Variants in PPP2R2D observed in about 807,000 individuals in gnomAD.
PPP2R2D encodes the protein serine/threonine-protein phosphatase 2A 55 kDa regulatory subunit B delta isoform.
Under a neutral mutation model 31.1 loss-of-function variants are expected in PPP2R2D, and 9 were observed. The observed-to-expected ratio is 0.29, with a 90% CI of 0.17 to 0.51. The LOEUF is 0.51. PPP2R2D is among the 20% of genes least tolerant of loss of function. The pLI is 0.98. For synonymous variants in PPP2R2D, 179 were observed against 172.6 expected, an observed-to-expected ratio of 1.04 and a Z score of -0.29; for missense variants, 391 against 465.6, an observed-to-expected ratio of 0.84 and a Z score of 1.48.
intron 2 of PPP2R2D, among the ~76,000 whole-genome samples, chr10:131,928,443 A>G (rs868931585): frequency 6.6e-6 from 1 of 152,226 alleles, no homozygotes; most frequent in African/African-American, 2.4e-5. Context: ...TGTTTTGACA[A>G]TGACTCAGTA....
At chr10:131,935,487 G>A (rs782352797) in intron 3 of PPP2R2D, among the ~76,000 whole-genome samples, 1 of 151,154 alleles carries the variant, frequency 6.6e-6, no homozygotes, top group Non-Finnish European at 1.5e-5. Context: ...TGCTGGCCCT[G>A]CCCCCCAGGA....
chr10:131,907,197 TA>T (rs1174221186), intron 2 of PPP2R2D, among the ~76,000 whole-genome samples: 2 of 150,668 alleles, frequency 1.3e-5, no homozygotes, highest in African/African-American at 2.5e-5. Context: ...TATTCATTTA[TA>T]TTTTTTTTTT....
chr10:131,923,191 C>G (rs2036027469), intron 2 of PPP2R2D, among the ~76,000 whole-genome samples: 1 of 152,208 alleles, frequency 6.6e-6, no homozygotes, highest in African/African-American at 2.4e-5. Flanking sequence ...TACTTTGTTT[C>G]TGTGGATTTG....
rs1006201922 is a variant in PPP2R2D at position 131,906,256 on chromosome 10, C to T, written c.100+4926C>T. On this transcript the variant is annotated intron_variant, in intron 2 of 8. Coordinates refer to ENST00000455566, the MANE Select transcript of PPP2R2D (RefSeq NM_018461.5). ...GGGGGAGGAGGGTCTTATATTGAAC[C>T]TGGTTTTATATAGCTTTATAGCTTG... 3.0e-3 allele frequency among the ~76,000 whole-genome samples: 452 copies of T among 152,266 alleles called. 2 individuals carry two copies. Among genetic ancestry groups the T allele is most frequent in the African/African-American group, 0.01 (426 of 41,544 alleles).
intron 8 of PPP2R2D, among the ~76,000 whole-genome samples, chr10:131,949,110 A>C (rs2036595890): frequency 1.3e-5 from 2 of 152,128 alleles, no homozygotes; most frequent in Admixed American, 1.3e-4. Flanking sequence ...CTGTTTGCAG[A>C]CTGACCTGCC....
intron 3 of PPP2R2D, among the ~76,000 whole-genome samples, chr10:131,937,841 C>T (rs2036370575): frequency 6.6e-6 from 1 of 152,176 alleles, no homozygotes; most frequent in South Asian, 2.1e-4. Context: ...AGGGGCTGTG[C>T]TTTTTTGTAG....
At chr10:131,936,334 G>A (rs535119456) in intron 3 of PPP2R2D, among the ~76,000 whole-genome samples, 3 of 151,852 alleles carry the variant, frequency 2.0e-5, no homozygotes, top group Admixed American at 6.6e-5. Flanking sequence ...TTTTAGTAGC[G>A]ATGGGGTTTC....
At chr10:131,970,767 G>A in the PPP2R2D span, 7 of 1,614,068 alleles carry the variant, frequency 4.3e-6, no homozygotes, top group East Asian at 6.7e-5. This position sits in a 1 kb window ranked among gnomAD's most constrained non-coding sequence, Gnocchi z 4.1. Flanking sequence ...CGTGCGCTTC[G>A]GGTGTTTAAA....
At chr10:131,966,526 T>G in the PPP2R2D span, 3 of 152,232 alleles carry the variant, frequency 2.0e-5, no homozygotes, top group Admixed American at 2.0e-4. Context: ...GAAAACTTGA[T>G]TCTTGGTCTC....
intron 2 of PPP2R2D, among the ~76,000 whole-genome samples, chr10:131,911,005 G>T (rs1218943963): frequency 2.0e-5 from 3 of 152,188 alleles, no homozygotes; most frequent in Non-Finnish European, 2.9e-5. Flanking sequence ...TCACCTCAGT[G>T]TCCTCTGTAG....
chr10:131,953,140 TTTGCGGGGGTTC>T (rs2036713504), intron 8 of PPP2R2D, among the ~76,000 whole-genome samples: 2 of 96,828 alleles, frequency 2.1e-5, no homozygotes, highest in African/African-American at 8.4e-5. Context: ...GACTTGCAGG[TTTGCGGGGGTTC>T]ACTGTCTTAG....
At chr10:131,903,608 G>A (rs1407211883) in intron 2 of PPP2R2D, among the ~76,000 whole-genome samples, 1 of 151,982 alleles carries the variant, frequency 6.6e-6, no homozygotes, top group Non-Finnish European at 1.5e-5. Context: ...AGTTGTCGTG[G>A]TTTCTTTTGT....
Position 131,945,257 on chromosome 10 carries a change from G to GC in PPP2R2D, c.656-37dup. ...CTGAATGTAGACTAATTAACAACCA[G>GC]CTGAGCTGAGCACTGTGCCTTAACC... On this transcript the variant is annotated intron_variant, in intron 6 of 8. Coordinates refer to ENST00000455566, the MANE Select transcript of PPP2R2D (RefSeq NM_018461.5). This position sits in a 1 kb window ranked among gnomAD's most constrained non-coding sequence, Gnocchi z 4.8. The GC allele has an allele frequency of 6.3e-7, 1 of 1,587,412 alleles. No individual in the cohort carries two copies. Among genetic ancestry groups the GC allele is most frequent in the Non-Finnish European group, 8.6e-7 (1 of 1,163,986 alleles).
the PPP2R2D span, among the ~76,000 whole-genome samples, chr10:131,964,869 T>C: frequency 6.6e-6 from 1 of 152,030 alleles, no homozygotes; most frequent in African/African-American, 2.4e-5. Flanking sequence ...AGCATTAATG[T>C]GGTTCTAAGT....
chr10:131,940,078 C>T lies in PPP2R2D; in HGVS notation c.246C>T (p.Thr82=), dbSNP rs2036415476. The T allele has an allele frequency of 1.3e-6, 1 of 776,842 alleles. No homozygotes were observed. Among genetic ancestry groups the T allele is most frequent in the African/African-American group, 1.7e-5 (1 of 58,864 alleles). 48.1% of individuals were successfully genotyped at this position (776,842 alleles called of 1,614,324 possible). The stretch of plus-strand genomic sequence containing the variant: ...GGGGAGAATATAATGTTTACAGCAC[C>T]TTTCAAAGTCATGAACCGGAGTTTG... The part of the protein sequence containing the change: ...HSRGEYNVYS[T]FQSHEPEFDY... The change falls in exon 4 of 9, where the codon ACC becomes ACT. Residue 82 remains threonine, a synonymous_variant. Coordinates refer to ENST00000455566, the MANE Select transcript of PPP2R2D (RefSeq NM_018461.5).
At chr10:131,915,402 A>C (rs2035760385) in intron 2 of PPP2R2D, among the ~76,000 whole-genome samples, 2 of 152,100 alleles carry the variant, frequency 1.3e-5, no homozygotes, top group Admixed American at 1.3e-4. Context: ...TTTTAGAATA[A>C]ATAATTATGT....
intron 2 of PPP2R2D, among the ~76,000 whole-genome samples, chr10:131,924,544 A>G (rs1447974552): frequency 6.6e-6 from 1 of 152,106 alleles, no homozygotes; most frequent in African/African-American, 2.4e-5. Flanking sequence ...CCTCATGCCA[A>G]TACCATACTG....
At position 131,945,510 on chromosome 10, in the gene PPP2R2D, G is replaced by T; in HGVS notation, c.820+51G>T. On this transcript the variant is annotated intron_variant, in intron 7 of 8. Coordinates refer to ENST00000455566, the MANE Select transcript of PPP2R2D (RefSeq NM_018461.5). The surrounding 1 kb of genome is among the most constrained non-coding windows in gnomAD (Gnocchi z 4.8). ...AGTCTGGCTCTGTCACCCAGGCTGC[G>T]GTGCAGTGACACAGTCTCGGCTCAC... The T allele has an allele frequency of 3.2e-6, 5 of 1,549,490 alleles. No homozygotes were observed. Among genetic ancestry groups the T allele is most frequent in the Non-Finnish European group, 4.4e-6 (5 of 1,141,996 alleles).
At chr10:131,925,577 A>G (rs971883305) in intron 2 of PPP2R2D, among the ~76,000 whole-genome samples, 1 of 152,188 alleles carries the variant, frequency 6.6e-6, no homozygotes, top group Non-Finnish European at 1.5e-5. Flanking sequence ...TTTTAGAATA[A>G]TTTGCCACAA....
Sources: gnomAD v4.1 joint callset for allele counts (sites outside exome capture counted in the v4.1 genomes callset) on GRCh38, gnomAD v4.1.1 for gene constraint, Gnocchi (gnomAD v3.1) non-coding constraint, MANE v1.5 for transcripts, NCBI Gene and HGNC (gene_info 2026-07-23, HGNC 2026-07-21) for gene names.